Variants in GRIP1 observed in about 807,000 individuals in gnomAD.
GRIP1 encodes glutamate receptor-interacting protein 1.
GRIP1 carries 45 observed loss-of-function variants against 129.9 expected under a neutral mutation model. That is an observed-to-expected ratio of 0.35 (90% confidence interval 0.27 to 0.44). GRIP1 has a LOEUF of 0.44. Ranked by LOEUF, GRIP1 falls within the 20% of genes least tolerant of loss-of-function variation. GRIP1 has a pLI of 1.00. For synonymous variants in GRIP1, 530 were observed against 520.8 expected (o/e 1.02, Z -0.24); for missense variants, 1,196 against 1,396.8 (o/e 0.86, Z 2.29).
intron 1 of GRIP1, among the ~76,000 whole-genome samples, chr12:66,861,907 G>A (rs918874240): frequency 7.2e-5 from 11 of 152,010 alleles, no homozygotes; most frequent in Admixed American, 7.2e-4. Flanking sequence ...AACGCAATTT[G>A]TTCTACCATA....
rs1030754834 is a variant in GRIP1, at chr12:66,431,423, A to G, written c.1768+1125T>C. Among the ~76,000 whole-genome samples, 15 of 152,144 alleles carry G rather than the reference A, an allele frequency of 9.9e-5. 1 individual carries two copies. Among genetic ancestry groups the G allele is most frequent in the Non-Finnish European group, 4.4e-5 (3 of 68,018 alleles). ...CTTAATATTTATTTTGAATTGCAGT[A>G]CCGTTCTTTTTAGTGTTGCAGTAGA... On this transcript the variant is annotated intron_variant, in intron 14 of 24. Coordinates refer to ENST00000359742, the MANE Select transcript of GRIP1 (RefSeq NM_001366722.1).
Position 66,420,725 on chromosome 12 carries a change from T to A in GRIP1, c.1833A>T (p.Ala611=), listed in dbSNP as rs1302243093. ...AGAAAATCCATTTTCCTTACCTGTG[T>A]GCCACACTCCCTTTCTTGATATCTG... ...VISDIKKGSV[A]HRTGTLELGD... is the part of the protein sequence containing the mutation. Residue 611 remains alanine (A), a synonymous_variant, in exon 15 of 25, where the codon GCA becomes GCT. Coordinates refer to ENST00000359742, the MANE Select transcript of GRIP1 (RefSeq NM_001366722.1). 1 of 1,547,582 alleles carries A rather than the reference T, an allele frequency of 6.5e-7. No homozygotes were observed. Among genetic ancestry groups the A allele is most frequent in the Non-Finnish European group, 8.9e-7 (1 of 1,118,874 alleles).
rs73123303 is a variant in GRIP1, at chr12:66,408,983, G to T, written c.1839-2555C>A. Among the ~76,000 whole-genome samples, 741 of 152,256 alleles carry T rather than the reference G, an allele frequency of 4.9e-3. 6 individuals carry two copies. Among genetic ancestry groups the T allele is most frequent in the South Asian group, 8.3e-3 (40 of 4,818 alleles). ...GGAAGGACTTTGTCTTGTGTCTTGG[G>T]TGCCAGCTCAGCTATAGTAGAATAG... On this transcript the variant is annotated intron_variant, in intron 15 of 24. Coordinates refer to ENST00000359742, the MANE Select transcript of GRIP1 (RefSeq NM_001366722.1).
chr12:66,573,623 C>A (rs1372865574), intron 2 of GRIP1, among the ~76,000 whole-genome samples: 5 of 152,146 alleles, frequency 3.3e-5, no homozygotes, highest in African/African-American at 1.2e-4. Flanking sequence ...CCAGAGCCTG[C>A]GTTCCTAACC....
intron 19 of GRIP1, among the ~76,000 whole-genome samples, chr12:66,384,664 C>T (rs1240762845): frequency 3.3e-5 from 5 of 152,008 alleles, no homozygotes; most frequent in African/African-American, 1.2e-4. Flanking sequence ...GGAAAAGATG[C>T]TCAAAGTAAG....
chr12:66,568,158 C>G (rs976205452), intron 2 of GRIP1: 1 of 278,230 alleles, frequency 3.6e-6, no homozygotes, highest in Non-Finnish European at 7.2e-6. Flanking sequence ...CCTTCTAAAA[C>G]TAGCTCTGTG....
chr12:66,785,310 A>T (rs932809327), intron 1 of GRIP1, among the ~76,000 whole-genome samples: 2 of 44,986 alleles, frequency 4.4e-5, no homozygotes, highest in South Asian at 8.5e-4. Context: ...AATTTAACAT[A>T]CATACATACA....
chr12:66,479,205 A>G (rs576238462), intron 7 of GRIP1, among the ~76,000 whole-genome samples: 1 of 152,140 alleles, frequency 6.6e-6, no homozygotes, highest in South Asian at 2.1e-4. Flanking sequence ...GAAAAGAATC[A>G]AATAGACACA....
At chr12:66,413,258 T>G (rs2057466037) in intron 15 of GRIP1, among the ~76,000 whole-genome samples, 1 of 152,182 alleles carries the variant, frequency 6.6e-6, no homozygotes, top group Non-Finnish European at 1.5e-5. Context: ...TAACAGTCTC[T>G]CAGACCACAG....
intron 1 of GRIP1, among the ~76,000 whole-genome samples, chr12:66,906,078 A>C (rs10878525): frequency 0.26 from 39,502 of 152,074 alleles, 5,544 homozygotes; most frequent in East Asian, 0.45. Flanking sequence ...CGCAAATATT[A>C]ATAAAAATTT....
intron 16 of GRIP1, among the ~76,000 whole-genome samples, chr12:66,399,983 T>A (rs1177989615): frequency 6.6e-6 from 1 of 151,984 alleles, no homozygotes; most frequent in Non-Finnish European, 1.5e-5. Context: ...CCAAGAGATG[T>A]CCAAGCAAGT....
At chr12:66,857,603 GA>G (rs1007829809) in intron 1 of GRIP1, among the ~76,000 whole-genome samples, 6 of 151,106 alleles carry the variant, frequency 4.0e-5, no homozygotes, top group African/African-American at 1.5e-4. Context: ...CTCAAGCACA[GA>G]ATTGAAGAGT....
intron 4 of GRIP1, among the ~76,000 whole-genome samples, chr12:66,532,603 C>T (rs1017676461): frequency 2.6e-5 from 4 of 152,162 alleles, no homozygotes; most frequent in African/African-American, 9.7e-5. Context: ...TGTTAACAGA[C>T]ACAAGCAGAG....
chr12:66,979,252 A>AAAAAAAAAAAACAAC (rs772753895), intron 1 of GRIP1, among the ~76,000 whole-genome samples: 6 of 110,160 alleles, frequency 5.4e-5, no homozygotes, highest in Non-Finnish European at 1.1e-4. Context: ...AAAAAAAAAA[A>AAAAAAAAAAAACAAC]AACAAGCCCG....
intron 1 of GRIP1, among the ~76,000 whole-genome samples, chr12:66,802,511 CT>C (rs1404048621): frequency 1.3e-5 from 2 of 152,114 alleles, no homozygotes; most frequent in East Asian, 3.9e-4. Flanking sequence ...ATATATAGTT[CT>C]TCTTGTCAAG....
chr12:66,403,328 T>C (rs796787501), intron 16 of GRIP1, among the ~76,000 whole-genome samples: 5 of 152,344 alleles, frequency 3.3e-5, no homozygotes, highest in African/African-American at 1.2e-4. Context: ...TGTCTGGTTT[T>C]AAAACATTTG....
At chr12:66,396,973 TG>T (rs2056813688) in intron 16 of GRIP1, among the ~76,000 whole-genome samples, 1 of 151,876 alleles carries the variant, frequency 6.6e-6, no homozygotes, top group African/African-American at 2.4e-5. Context: ...TAGCCAGGCA[TG>T]GTGCCTCGTG....
intron 1 of GRIP1, among the ~76,000 whole-genome samples, chr12:66,693,708 A>C (rs1384165120): frequency 6.6e-6 from 1 of 152,182 alleles, no homozygotes; most frequent in Non-Finnish European, 1.5e-5. Context: ...CCCATTCATG[A>C]AAAAATTTCC....
At chr12:66,508,839 A>G (rs2060616064) in intron 7 of GRIP1, among the ~76,000 whole-genome samples, 1 of 152,178 alleles carries the variant, frequency 6.6e-6, no homozygotes. Flanking sequence ...GGTTCTCCCC[A>G]GGGAAGGAAG....
Sources: gnomAD v4.1 joint callset for allele counts (sites outside exome capture counted in the v4.1 genomes callset) on GRCh38, gnomAD v4.1.1 for gene constraint, MANE v1.5 for transcripts, NCBI Gene and HGNC (gene_info 2026-07-23, HGNC 2026-07-21) for gene names.